DMD: variants seen among roughly 807,000 people sequenced by gnomAD.
DMD encodes mutant dystrophin.
Under a neutral mutation model 330.1 loss-of-function variants are expected in DMD, and 63 were observed. The ratio of observed to expected loss-of-function variants is 0.19; its 90% CI spans 0.16 to 0.24. The LOEUF is 0.24. DMD is among the 10% of genes least tolerant of loss of function. The pLI is 1.00. For missense variants in DMD, 3,344 were observed against 2,684.1 expected, an observed-to-expected ratio of 1.25 and a Z score of -5.43; for synonymous variants, 1,223 against 959.8, an observed-to-expected ratio of 1.27 and a Z score of -5.07.
At chrX:32,185,975 A>G (rs962110164) in intron 44 of DMD, among the ~76,000 whole-genome samples, 2 of 110,927 alleles carry the variant, frequency 1.8e-5, no homozygotes, top group Non-Finnish European at 3.8e-5. Flanking sequence ...AATGATAAAC[A>G]ATTAATTCTA....
chrX:32,789,006 G>A (rs1383098446), intron 7 of DMD, among the ~76,000 whole-genome samples: 2 of 111,589 alleles, frequency 1.8e-5, no homozygotes. Context: ...AGAACAAAGA[G>A]TCAGGGATCA....
At chrX:33,276,257 C>T (rs746496690) in intron 1 of DMD, among the ~76,000 whole-genome samples, 9 of 111,325 alleles carry the variant, frequency 8.1e-5, no homozygotes, top group Non-Finnish European at 1.1e-4. Context: ...TGCATGATGA[C>T]GGTCACATCA....
chrX:32,374,320 G>A (rs2097892582), intron 34 of DMD, among the ~76,000 whole-genome samples: 1 of 111,118 alleles, frequency 9.0e-6, no homozygotes, highest in Admixed American at 9.6e-5. Flanking sequence ...ACTCTCATTT[G>A]TCAATTTTTG....
At chrX:32,236,120 T>C (rs1225746992) in intron 43 of DMD, among the ~76,000 whole-genome samples, 1 of 111,956 alleles carries the variant, frequency 8.9e-6, no homozygotes, top group Non-Finnish European at 1.9e-5. Flanking sequence ...TACATAATCA[T>C]TTAAAGACCG....
At chrX:33,048,465 GGA>G (rs950930124) in intron 1 of DMD, among the ~76,000 whole-genome samples, 2 of 109,778 alleles carry the variant, frequency 1.8e-5, no homozygotes, top group Non-Finnish European at 3.8e-5. Flanking sequence ...CGAGGCGGGT[GGA>G]TCACCTGAGG....
chrX:32,519,240 T>G (rs1342403705), intron 17 of DMD, among the ~76,000 whole-genome samples: 11 of 90,286 alleles, frequency 1.2e-4, no homozygotes, highest in Non-Finnish European at 2.1e-4. Flanking sequence ...AAATACCACA[T>G]GATCTCACTT....
At chrX:32,358,089 A>G (rs2097812713) in intron 37 of DMD, among the ~76,000 whole-genome samples, 1 of 110,108 alleles carries the variant, frequency 9.1e-6, no homozygotes, top group Admixed American at 9.8e-5. Context: ...GTTATCGGAA[A>G]ATAATATATG....
At chrX:33,137,411 G>A (rs181213842) in intron 1 of DMD, among the ~76,000 whole-genome samples, 1 of 111,977 alleles carries the variant, frequency 8.9e-6, no homozygotes, top group East Asian at 2.8e-4. Flanking sequence ...AGTTTCACTA[G>A]GAACGGACAA....
intron 43 of DMD, among the ~76,000 whole-genome samples, chrX:32,243,040 G>GA (rs757496006): frequency 1.9e-5 from 2 of 107,600 alleles, no homozygotes; most frequent in African/African-American, 3.4e-5. Context: ...AGAAAAGAAA[G>GA]AAAAAAAGAA....
intron 43 of DMD, among the ~76,000 whole-genome samples, chrX:32,238,088 G>A (rs1603628886): frequency 8.9e-6 from 1 of 111,831 alleles, no homozygotes; most frequent in Middle Eastern, 4.6e-3. Flanking sequence ...GGCTATCTCT[G>A]AAAATTATTT....
intron 44 of DMD, among the ~76,000 whole-genome samples, chrX:32,161,744 T>C (rs1365491629): frequency 8.9e-6 from 1 of 111,947 alleles, no homozygotes; most frequent in Non-Finnish European, 1.9e-5. Flanking sequence ...ATGTGTATTA[T>C]GTTCTCTAAG....
chrX:32,197,456 T>G (rs2097011584), intron 44 of DMD, among the ~76,000 whole-genome samples: 1 of 112,152 alleles, frequency 8.9e-6, no homozygotes, highest in African/African-American at 3.2e-5. Context: ...GTTTATGTTT[T>G]CATGAGCTTT....
chrX:32,914,157 T>G lies in DMD; in HGVS notation c.94-64337A>C, dbSNP rs2087566799. Reference sequence around the variant, plus strand: ...TGCTTAGTCCCCCCATCAAGCATCATTATCAAAATGAACACAGACTGCAGA... The same window carrying G: ...TGCTTAGTCCCCCCATCAAGCATCAGTATCAAAATGAACACAGACTGCAGA... On this transcript the variant is annotated intron_variant, in intron 2 of 78. Coordinates refer to ENST00000357033, the MANE Select transcript of DMD (RefSeq NM_004006.3). Among the ~76,000 whole-genome samples, 3 of 111,812 alleles carry G rather than the reference T, an allele frequency of 2.7e-5. No homozygotes were observed. In the South Asian group the frequency reaches 1.1e-3, roughly 42 times the overall value.
At chrX:32,099,023 G>T (rs755686192) in intron 44 of DMD, among the ~76,000 whole-genome samples, 2 of 111,731 alleles carry the variant, frequency 1.8e-5, no homozygotes, top group East Asian at 5.7e-4. Flanking sequence ...TTAAATTTGT[G>T]AGGCAAATCT....
chrX:33,258,431 G>C lies in DMD; in HGVS notation c.7+80828C>G, dbSNP rs189240118. Among the ~76,000 whole-genome samples, 215 of 111,374 alleles carry C rather than the reference G, an allele frequency of 1.9e-3. 1 individual carries two copies. The highest frequency in any genetic ancestry group is 6.7e-3 in the African/African-American group (206 of 30,902). On this transcript the variant is annotated intron_variant, in intron 1 of 17. Transcript: ENST00000288447. ...ATCAGTTACAGAACCACCAACAAAAGTTCTGCTACTACAAATAGTTTTGAT... is the reference window on the plus strand; with the variant it reads ...ATCAGTTACAGAACCACCAACAAAACTTCTGCTACTACAAATAGTTTTGAT...
chrX:32,558,163 T>C (rs1056900932), intron 16 of DMD, among the ~76,000 whole-genome samples: 1 of 111,568 alleles, frequency 9.0e-6, no homozygotes, highest in Non-Finnish European at 1.9e-5. Flanking sequence ...TCATTTTAAA[T>C]TGTCTTTAGT....
intron 9 of DMD, among the ~76,000 whole-genome samples, chrX:32,684,224 T>C (rs1602979418): frequency 1.0e-5 from 1 of 99,729 alleles, no homozygotes; most frequent in East Asian, 2.9e-4. Context: ...GCTGTATGTA[T>C]ATACCCACAC....
At chrX:32,819,026 TC>T (rs1481026807) in intron 5 of DMD, among the ~76,000 whole-genome samples, 243 of 103,919 alleles carry the variant, frequency 2.3e-3, no homozygotes, top group African/African-American at 8.3e-3. Flanking sequence ...TTTTTTTTTT[TC>T]CAGGGCATGG....
Position 32,698,135 on chromosome X carries a change from T to C in DMD, c.832-137A>G, listed in dbSNP as rs147168689. 4,238 of 670,240 alleles carry C rather than the reference T, an allele frequency of 6.3e-3. 19 individuals carry two copies. The highest frequency in any genetic ancestry group is 8.2e-3 in the Non-Finnish European group (3,709 of 454,457). The allele number at this position is 670,240 out of a possible 1,213,427, so 55.2% of individuals were successfully genotyped here. On this transcript the variant is annotated intron_variant, in intron 8 of 78. Coordinates refer to ENST00000357033, the MANE Select transcript of DMD (RefSeq NM_004006.3). ...GAGATTCAATGTTTAATACTAAACA[T>C]ATATAAATGATATTCGAAATTGGTA...
Sources: gnomAD v4.1 joint callset for allele counts (sites outside exome capture counted in the v4.1 genomes callset) on GRCh38, gnomAD v4.1.1 for gene constraint, MANE v1.5 for transcripts, NCBI Gene and HGNC (gene_info 2026-07-23, HGNC 2026-07-21) for gene names.